Variants in RBFOX1 observed in about 807,000 individuals in gnomAD.
RBFOX1 encodes the protein RNA binding protein fox-1 homolog 1.
In RBFOX1, 8 loss-of-function variants were observed where a neutral mutation model predicts 57.7. The observed-to-expected ratio is 0.14, with a 90% CI of 0.08 to 0.25. RBFOX1 has a LOEUF of 0.25. RBFOX1 is among the 10% of genes least tolerant of loss of function. RBFOX1 has a pLI of 1.00. For synonymous variants in RBFOX1, 326 were observed against 222.4 expected (o/e 1.47, Z -4.15); for missense variants, 611 against 548.5 (o/e 1.11, Z -1.14).
At chr16:5,404,132 C>T (rs503490) in intron 1 of RBFOX1, among the ~76,000 whole-genome samples, 124,105 of 148,314 alleles carry the variant, frequency 0.84, 52,538 homozygotes, top group East Asian at 1. Context: ...ATGATTAACA[C>T]TGGAGACTTG....
At chr16:6,502,856 T>G (rs746297573) in intron 2 of RBFOX1, among the ~76,000 whole-genome samples, 22 of 152,206 alleles carry the variant, frequency 1.4e-4, no homozygotes, top group Non-Finnish European at 2.8e-4. Flanking sequence ...ATCCAAATAC[T>G]AACTGGGGTT....
chr16:6,453,038 C>T (rs938112950), intron 2 of RBFOX1, among the ~76,000 whole-genome samples: 1 of 152,142 alleles, frequency 6.6e-6, no homozygotes, highest in African/African-American at 2.4e-5. Flanking sequence ...TCATTTCTTC[C>T]TCTTATTCCA....
chr16:7,117,363 T>C (rs1339321113), intron 4 of RBFOX1, among the ~76,000 whole-genome samples: 1 of 152,188 alleles, frequency 6.6e-6, no homozygotes, highest in African/African-American at 2.4e-5. Context: ...GTTATGTGTT[T>C]TTCTGTAAAG....
At chr16:5,478,334 T>C (rs1213568336) in intron 2 of RBFOX1, among the ~76,000 whole-genome samples, 4 of 152,028 alleles carry the variant, frequency 2.6e-5, no homozygotes, top group African/African-American at 9.7e-5. Context: ...AGCATGGGGA[T>C]TTGTGCTTCT....
chr16:6,659,308 G>T (rs996619939), intron 3 of RBFOX1, among the ~76,000 whole-genome samples: 1 of 151,970 alleles, frequency 6.6e-6, no homozygotes, highest in South Asian at 2.1e-4. Flanking sequence ...AACAGTTTCA[G>T]ATCTGCTATA....
chr16:7,071,340 A>T (rs1385028339), intron 4 of RBFOX1, among the ~76,000 whole-genome samples: 1 of 152,194 alleles, frequency 6.6e-6, no homozygotes, highest in Non-Finnish European at 1.5e-5. Flanking sequence ...CAGGAAAAAG[A>T]AAATGCGATT....
chr16:6,691,269 G>A (rs1287503508), intron 3 of RBFOX1, among the ~76,000 whole-genome samples: 2 of 152,106 alleles, frequency 1.3e-5, no homozygotes, highest in East Asian at 1.9e-4. Flanking sequence ...AGAGCATCTC[G>A]ATGTGTGCGT....
rs753121020 is a variant in RBFOX1, at chr16:5,592,591, A to AT, written c.259-6307dup. On this transcript the variant is annotated intron_variant, in intron 2 of 2. Coordinates refer to the RBFOX1 transcript ENST00000585867. The stretch of plus-strand genomic sequence containing the variant: ...ACCACCATGCCTGGCTAATTTTTGT[A>AT]TTTTAGTAGAGATGGGGTTTCACCA... Among the ~76,000 whole-genome samples the AT allele has an allele frequency of 4.8e-3, 729 of 151,964 alleles. 5 individuals carry two copies. Among genetic ancestry groups the AT allele is most frequent in the Middle Eastern group, 0.01 (3 of 294 alleles).
intron 3 of RBFOX1, among the ~76,000 whole-genome samples, chr16:5,706,559 C>G (rs542858197): frequency 3.9e-5 from 6 of 152,238 alleles, no homozygotes; most frequent in East Asian, 1.9e-4. Flanking sequence ...GTTTTTAAAA[C>G]TTTGGACTAG....
intron 3 of RBFOX1, among the ~76,000 whole-genome samples, chr16:6,674,846 C>A (rs2057341841): frequency 6.6e-6 from 1 of 152,128 alleles, no homozygotes; most frequent in Non-Finnish European, 1.5e-5. Flanking sequence ...AGACTTCTAG[C>A]TTCCAGAACT....
At chr16:7,176,067 C>G (rs1567576569) in intron 4 of RBFOX1, among the ~76,000 whole-genome samples, 1 of 151,816 alleles carries the variant, frequency 6.6e-6, no homozygotes, top group African/African-American at 2.4e-5. Context: ...CAATAGCAGT[C>G]TCCACTCACA....
At chr16:7,042,116 TACCTC>T (rs1354001986) in intron 3 of RBFOX1, among the ~76,000 whole-genome samples, 1 of 152,228 alleles carries the variant, frequency 6.6e-6, no homozygotes, top group Non-Finnish European at 1.5e-5. Context: ...TACTGGTTCT[TACCTC>T]AATAAGCCAA....
At chr16:6,331,133 A>G (rs774915882) in intron 2 of RBFOX1, among the ~76,000 whole-genome samples, 11 of 152,166 alleles carry the variant, frequency 7.2e-5, no homozygotes, top group Non-Finnish European at 1.5e-4. Flanking sequence ...AGAGGAGGCA[A>G]AAAGAACAGT....
chr16:5,908,254 A>G (rs2058521894), intron 4 of RBFOX1, among the ~76,000 whole-genome samples: 1 of 149,118 alleles, frequency 6.7e-6, no homozygotes, highest in South Asian at 2.1e-4. Context: ...ACATACACAC[A>G]CATATATACA....
intron 1 of RBFOX1, among the ~76,000 whole-genome samples, chr16:6,198,737 T>G (rs2097196698): frequency 1.3e-5 from 2 of 152,166 alleles, no homozygotes. Context: ...AAGTGTACCC[T>G]TGCTGAAATA....
At chr16:5,532,869 C>G (rs544042564) in intron 2 of RBFOX1, among the ~76,000 whole-genome samples, 18 of 152,254 alleles carry the variant, frequency 1.2e-4, no homozygotes, top group African/African-American at 3.6e-4. Context: ...AGACTCTTCT[C>G]CTTCCCTTTC....
intron 1 of RBFOX1, among the ~76,000 whole-genome samples, chr16:5,342,365 A>G (rs913632788): frequency 2.0e-5 from 3 of 152,188 alleles, no homozygotes; most frequent in South Asian, 2.1e-4. Context: ...GGGGGACTAC[A>G]GAGCAGAGTC....
chr16:7,605,568 T>C (rs1206665713), intron 9 of RBFOX1, among the ~76,000 whole-genome samples: 2 of 152,190 alleles, frequency 1.3e-5, no homozygotes, highest in Non-Finnish European at 2.9e-5. Context: ...TCGATAGACA[T>C]ACTGGCCTGT....
chr16:6,637,076 AAT>A (rs1191060771), intron 2 of RBFOX1, among the ~76,000 whole-genome samples: 5 of 70,296 alleles, frequency 7.1e-5, no homozygotes, highest in East Asian at 9.7e-4. Flanking sequence ...AAATATGTTT[AAT>A]ATATATAATA....
Sources: allele counts gnomAD v4.1 joint callset (sites outside exome capture counted in the v4.1 genomes callset), GRCh38; gene constraint gnomAD v4.1.1; transcripts MANE v1.5; gene names NCBI Gene and HGNC (gene_info 2026-07-23, HGNC 2026-07-21).